Variants in ERAP2 observed in about 807,000 individuals in gnomAD.
ERAP2 encodes the protein endoplasmic reticulum aminopeptidase 2, also known as leukocyte-derived arginine aminopeptidase.
A neutral mutation model predicts 111.1 loss-of-function variants in ERAP2; 118 were observed. The ratio of observed to expected loss-of-function variants is 1.06; its 90% CI spans 0.92 to 1.24. The LOEUF is 1.24. Ranked by LOEUF, ERAP2 falls within the 50% of genes most tolerant of loss-of-function variation. The pLI is 0.00. For missense variants in ERAP2, 1,131 were observed against 1,125.8 expected (o/e 1.00, Z -0.07); for synonymous variants, 410 against 401.2 (o/e 1.02, Z -0.26).
intron 6 of ERAP2, among the ~76,000 whole-genome samples, chr5:96,894,210 C>T (rs553920126): frequency 1.3e-5 from 2 of 152,326 alleles, no homozygotes; most frequent in South Asian, 4.1e-4. Flanking sequence ...AATGAATAAA[C>T]TAGTCTTGCT....
chr5:96,891,470 GGT>G (rs1784355882), intron 5 of ERAP2, among the ~76,000 whole-genome samples: 2 of 124,126 alleles, frequency 1.6e-5, no homozygotes, highest in Admixed American at 8.7e-5. Context: ...CACATATACA[GGT>G]ATATATATAT....
chr5:96,911,299 C>T (rs181340308), intron 15 of ERAP2, among the ~76,000 whole-genome samples: 1 of 152,230 alleles, frequency 6.6e-6, no homozygotes, highest in South Asian at 2.1e-4. Flanking sequence ...ATTTCTGGCT[C>T]CCTCCTCAAT....
At position 96,879,866 on chromosome 5, in the gene ERAP2, C is replaced by T. The variant is rs779392672; in HGVS notation, c.181C>T (p.Arg61Ter). ...TTTCCCAGTAGCCACTAATGGGGAA[C>T]GATTTCCTTGGCAGGAGCTAAGGCT... ...GAFPVATNGE[R>*]FPWQELRLPS... The change falls in exon 2 of 19, where the codon CGA becomes TGA. Residue 61 changes from arginine (R) to a stop codon, truncating the protein, a stop_gained. Transcript: ENST00000437043. LOFTEE classifies it high-confidence loss of function. 13 of 1,614,106 alleles carry T rather than the reference C, an allele frequency of 8.1e-6. No homozygotes were observed. The highest frequency in any genetic ancestry group is 1.7e-4 in the Middle Eastern group (1 of 6,060).
chr5:96,903,873 G>A (rs2112272661), intron 13 of ERAP2, among the ~76,000 whole-genome samples: 1 of 152,254 alleles, frequency 6.6e-6, no homozygotes, highest in Middle Eastern at 3.4e-3. Flanking sequence ...ATAAAGGAGA[G>A]TGCAGTGGGC....
At position 96,879,631 on chromosome 5, in the gene ERAP2, T is replaced by C. The variant is rs1332883041; in HGVS notation, c.-55T>C. The C allele has an allele frequency of 2.7e-6, 4 of 1,470,440 alleles. No individual in the cohort carries two copies. The highest frequency in any genetic ancestry group is 3.8e-6 in the Non-Finnish European group (4 of 1,058,432). 91.1% of individuals were successfully genotyped at this position (1,470,440 alleles called of 1,614,324 possible). ...CATAACTGGAGCCAGTGCAGTGCCA[T>C]GAAGAACTACGAGATTAGCCTGGAT... is the stretch of plus-strand genomic sequence containing the variant. On this transcript the variant is annotated 5_prime_UTR_variant, in exon 2 of 19. An upstream start codon of the reference 5' UTR is lost. Coordinates refer to ENST00000437043, the MANE Select transcript of ERAP2 (RefSeq NM_022350.5).
Position 96,917,681 on chromosome 5 carries a change from C to G in ERAP2, c.*76C>G. The G allele has an allele frequency of 1.6e-6, 2 of 1,229,536 alleles. No homozygotes were observed. The highest frequency in any genetic ancestry group is 1.4e-5 in the South Asian group (1 of 70,586). 76.2% of individuals were successfully genotyped at this position (1,229,536 alleles called of 1,614,324 possible). On this transcript the variant is annotated 3_prime_UTR_variant, in exon 19 of 19. Transcript: ENST00000437043. Reference sequence around the variant, plus strand: ...CAGCACTTTGGGAGGCTGAGAAGGGCGGATCACGAGGTCAGGAGATGGAGA... The same window carrying G: ...CAGCACTTTGGGAGGCTGAGAAGGGGGGATCACGAGGTCAGGAGATGGAGA...
chr5:96,876,718 A>T (rs1782567671), intron 1 of ERAP2, among the ~76,000 whole-genome samples, 191 bp downstream of exon 1: 1 of 152,094 alleles, frequency 6.6e-6, no homozygotes, highest in Non-Finnish European at 1.5e-5. Context: ...TTGATCTAAG[A>T]CGCTGCTGCA....
intron 7 of ERAP2, among the ~76,000 whole-genome samples, chr5:96,896,088 A>C (rs1784833819): frequency 6.6e-6 from 1 of 152,202 alleles, no homozygotes. Flanking sequence ...AGTATTCACT[A>C]AATGGAAACC....
At chr5:96,913,486 T>C (rs2112399397) in intron 17 of ERAP2, 29 bp downstream of exon 17, 1 of 1,612,314 alleles carries the variant, frequency 6.2e-7, no homozygotes, top group Middle Eastern at 1.7e-4. Flanking sequence ...CCAATGTTTG[T>C]TCTTCCATGC....
intron 13 of ERAP2, among the ~76,000 whole-genome samples, chr5:96,904,584 C>G (rs530524221): frequency 3.3e-5 from 5 of 152,248 alleles, no homozygotes; most frequent in African/African-American, 1.2e-4. Context: ...AAACACCATC[C>G]TACATATGAG....
At chr5:96,877,631 A>C (rs1782684591) in intron 1 of ERAP2, among the ~76,000 whole-genome samples, 1 of 152,238 alleles carries the variant, frequency 6.6e-6, no homozygotes, top group South Asian at 2.1e-4. Context: ...CAAAAAGTAA[A>C]AAACTTTGCC....
Position 96,903,408 on chromosome 5 carries a change from G to A in ERAP2, c.1860G>A (p.Trp620Ter), listed in dbSNP as rs1426929833. Reference sequence around the variant, plus strand: ...TGGATCTACCTGAAAAGACCAGTTGGGTGAAATTTAATGTGGACTCAAATG... The same window carrying A: ...TGGATCTACCTGAAAAGACCAGTTGAGTGAAATTTAATGTGGACTCAAATG... ...DTLDLPEKTSWVKFNVDSNGY... is the reference protein window; with the variant it reads ...DTLDLPEKTS Residue 620 changes from tryptophan (W) to a stop codon, truncating the protein, a stop_gained, in exon 13 of 19, where the codon TGG becomes TGA. Coordinates refer to ENST00000437043, the MANE Select transcript of ERAP2 (RefSeq NM_022350.5). LOFTEE classifies it high-confidence loss of function. 4.3e-6 allele frequency: 7 copies of A among 1,613,360 alleles called. No individual in the cohort carries two copies. In the African/African-American group the frequency reaches 8.0e-5, roughly 18 times the overall value.
Position 96,886,715 on chromosome 5 carries a change from A to T in ERAP2, c.775A>T (p.Met259Leu), listed in dbSNP as rs772868591. ...AGATCACTTTGAAACTACTGTAAAAATGAGTACATACCTTGTAGCCTACAT... is the reference window on the plus strand; with the variant it reads ...AGATCACTTTGAAACTACTGTAAAATTGAGTACATACCTTGTAGCCTACAT... ...LEDHFETTVKMSTYLVAYIVC... is the reference protein window; with the variant it reads ...LEDHFETTVKLSTYLVAYIVC... Residue 259 changes from methionine (M) to leucine (L), a missense_variant, in exon 4 of 19, where the codon ATG becomes TTG. This residue lies in a region of ERAP2 where 847 missense variants were observed against 856.5 expected (regional missense o/e 0.99). Coordinates refer to ENST00000437043, the MANE Select transcript of ERAP2 (RefSeq NM_022350.5). 6 of 1,553,226 alleles carry T rather than the reference A, an allele frequency of 3.9e-6. No individual in the cohort carries two copies. Among genetic ancestry groups the T allele is most frequent in the Non-Finnish European group, 5.3e-6 (6 of 1,137,926 alleles).
intron 15 of ERAP2, 124 bp downstream of exon 15, chr5:96,909,888 C>A: frequency 1.1e-6 from 1 of 933,868 alleles, no homozygotes; most frequent in Non-Finnish European, 1.6e-6. Flanking sequence ...CTGGGCATTA[C>A]AAACCCTGTT....
intron 14 of ERAP2, 81 bp downstream of exon 14, chr5:96,909,198 A>C: frequency 7.1e-7 from 1 of 1,399,632 alleles, no homozygotes; most frequent in South Asian, 1.2e-5. Flanking sequence ...TTTTGTGTGA[A>C]GTCCTTGAGG....
chr5:96,917,276 TTTG>T (rs199764969), intron 18 of ERAP2, among the ~76,000 whole-genome samples, 183 bp from the exon 19 acceptor site: 1 of 151,976 alleles, frequency 6.6e-6, no homozygotes, highest in Non-Finnish European at 1.5e-5. Flanking sequence ...CCGACTAATT[TTTG>T]TTGTTGTTGT....
Position 96,896,724 on chromosome 5 carries a change from T to C in ERAP2, c.1372-8T>C. The C allele has an allele frequency of 6.4e-7, 1 of 1,563,452 alleles. No individual in the cohort carries two copies. Among genetic ancestry groups the C allele is most frequent in the Non-Finnish European group, 8.6e-7 (1 of 1,163,788 alleles). On this transcript the variant is annotated splice_region_variant and splice_polypyrimidine_tract_variant and intron_variant, in intron 8 of 18. Transcript: ENST00000437043. ...CTCTTTTTTCAACTCTTTTGTTTTT[T>C]TTTAAAGGGAGCTTGTATTTTGAAT...
At chr5:96,907,510 G>T (rs1786221603) in intron 13 of ERAP2, among the ~76,000 whole-genome samples, 1 of 151,870 alleles carries the variant, frequency 6.6e-6, no homozygotes, top group Non-Finnish European at 1.5e-5. Context: ...TGATGCTAAG[G>T]TATCAACTGT....
chr5:96,903,433 G>A lies in ERAP2; in HGVS notation c.1885G>A (p.Gly629Ser). 6.2e-7 allele frequency: 1 copy of A among 1,613,874 alleles called. No homozygotes were observed. Among genetic ancestry groups the A allele is most frequent in the Non-Finnish European group, 8.5e-7 (1 of 1,179,908 alleles). Residue 629 changes from glycine to serine, a missense_variant, in exon 13 of 19, where the codon GGT becomes AGT. This residue lies in a region of ERAP2 where 847 missense variants were observed against 856.5 expected (regional missense o/e 0.99). Transcript: ENST00000437043. ...SWVKFNVDSN[G>S]YYIVHYEGHG... ...GGTGAAATTTAATGTGGACTCAAAT[G>A]GTTACTACATCGTTCACTATGAGGG...
Sources: allele counts gnomAD v4.1 joint callset (sites outside exome capture counted in the v4.1 genomes callset), GRCh38; gene constraint gnomAD v4.1.1; regional missense constraint gnomAD v4.1.1; transcripts MANE v1.5; gene names NCBI Gene and HGNC (gene_info 2026-07-23, HGNC 2026-07-21).